Variants in CNTNAP2 observed in about 807,000 individuals in gnomAD.
The protein encoded by CNTNAP2 is contactin-associated protein-like 2.
CNTNAP2 carries 98 observed loss-of-function variants against 155.2 expected under a neutral mutation model. The observed-to-expected ratio is 0.63, with a 90% CI of 0.54 to 0.75. CNTNAP2 has a LOEUF of 0.75. Ranked by LOEUF, CNTNAP2 falls within the 30% of genes least tolerant of loss-of-function variation. CNTNAP2 has a pLI of 0.00. For synonymous variants in CNTNAP2, 651 were observed against 631.2 expected (o/e 1.03, Z -0.47); for missense variants, 1,727 against 1,688.1 (o/e 1.02, Z -0.40).
chr7:147,359,831 C>CTA (rs1796117948), intron 9 of CNTNAP2, among the ~76,000 whole-genome samples: 1 of 152,142 alleles, frequency 6.6e-6, no homozygotes, highest in African/African-American at 2.4e-5. Flanking sequence ...TCTCTACTCC[C>CTA]TAACCCTCTT....
At chr7:148,196,984 G>A (rs962144352) in intron 18 of CNTNAP2, among the ~76,000 whole-genome samples, 1 of 152,032 alleles carries the variant, frequency 6.6e-6, no homozygotes, top group Non-Finnish European at 1.5e-5. Flanking sequence ...CTCTTAGGCT[G>A]CAAATTTCTA....
chr7:147,913,968 C>G (rs1800113779), intron 14 of CNTNAP2, among the ~76,000 whole-genome samples: 1 of 151,940 alleles, frequency 6.6e-6, no homozygotes, highest in Admixed American at 6.6e-5. Flanking sequence ...ACACTACATT[C>G]TTTGACTGAA....
intron 2 of CNTNAP2, among the ~76,000 whole-genome samples, chr7:146,827,817 A>G (rs1257573472): frequency 6.6e-6 from 1 of 152,120 alleles, no homozygotes; most frequent in Non-Finnish European, 1.5e-5. Context: ...TCTAGGGAAT[A>G]CATACAACAT....
At position 147,971,513 on chromosome 7, in the gene CNTNAP2, A is replaced by T. The variant is rs574679338; in HGVS notation, c.2256-6349A>T. Reference sequence around the variant, plus strand: ...CCACTAATCTCCTTTCTGTCCTGGTAGATTTCCTTTTTCATATCAGTAAAA... The same window carrying T: ...CCACTAATCTCCTTTCTGTCCTGGTTGATTTCCTTTTTCATATCAGTAAAA... On this transcript the variant is annotated intron_variant, in intron 14 of 23. Transcript: ENST00000361727. Among the ~76,000 whole-genome samples the T allele has an allele frequency of 5.3e-5, 8 of 152,248 alleles. No individual in the cohort carries two copies. The East Asian group carries it at 1.5e-3, about 29-fold the overall frequency.
chr7:147,373,527 A>G (rs57032011), intron 9 of CNTNAP2, among the ~76,000 whole-genome samples: 9,076 of 152,136 alleles, frequency 0.06, 398 homozygotes, highest in African/African-American at 0.11. Context: ...CTTAAACCCA[A>G]TGAAAGAGTA....
At chr7:147,145,835 G>T (rs949558736) in intron 8 of CNTNAP2, among the ~76,000 whole-genome samples, 4 of 152,088 alleles carry the variant, frequency 2.6e-5, no homozygotes, top group African/African-American at 9.7e-5. Flanking sequence ...AATTCCTCTT[G>T]GGTATGGTCA....
intron 13 of CNTNAP2, among the ~76,000 whole-genome samples, chr7:147,729,997 A>C (rs1440001412): frequency 2.0e-5 from 3 of 152,144 alleles, no homozygotes; most frequent in Non-Finnish European, 4.4e-5. Flanking sequence ...TGAATAAGAA[A>C]GGAGGAATTA....
chr7:148,033,956 C>T (rs1049201117), intron 15 of CNTNAP2, among the ~76,000 whole-genome samples: 2 of 151,996 alleles, frequency 1.3e-5, no homozygotes, highest in African/African-American at 4.8e-5. Context: ...GATCATCAAA[C>T]ATTAGAGAAA....
intron 3 of CNTNAP2, among the ~76,000 whole-genome samples, chr7:147,008,640 C>A (rs190580993): frequency 7.9e-5 from 12 of 152,116 alleles, no homozygotes; most frequent in African/African-American, 2.4e-5. Context: ...GGATTGGTTA[C>A]AATGTAGGCT....
At chr7:148,005,274 AG>A (rs1378516504) in intron 15 of CNTNAP2, among the ~76,000 whole-genome samples, 5 of 152,226 alleles carry the variant, frequency 3.3e-5, no homozygotes, top group Admixed American at 1.3e-4. Context: ...CCTTTTTATA[AG>A]GGCATTAATC....
intron 1 of CNTNAP2, among the ~76,000 whole-genome samples, chr7:146,493,783 A>G (rs76967400): frequency 2.0e-5 from 3 of 152,140 alleles, no homozygotes; most frequent in Non-Finnish European, 4.4e-5. Flanking sequence ...CAGTCTTTTG[A>G]AAAAAATCTG....
intron 15 of CNTNAP2, among the ~76,000 whole-genome samples, chr7:148,023,695 G>A (rs1327326762): frequency 1.3e-5 from 2 of 152,184 alleles, no homozygotes; most frequent in Non-Finnish European, 2.9e-5. Context: ...TTACTGATTT[G>A]TGGCACATGA....
chr7:146,663,354 AG>A (rs1800129971), intron 1 of CNTNAP2, among the ~76,000 whole-genome samples: 1 of 150,110 alleles, frequency 6.7e-6, no homozygotes, highest in South Asian at 2.1e-4. Flanking sequence ...AGTCCTCCTT[AG>A]TTGTTTCACT....
chr7:146,426,209 A>AAAAAAAAAAAAAAAAAAAAAAC (rs1796086771), intron 1 of CNTNAP2, among the ~76,000 whole-genome samples: 1 of 148,844 alleles, frequency 6.7e-6, no homozygotes, highest in African/African-American at 2.5e-5. Flanking sequence ...AAAAAAAAAA[A>AAAAAAAAAAAAAAAAAAAAAAC]ATTAAAACTT....
At chr7:147,369,365 A>G (rs1796302305) in intron 9 of CNTNAP2, among the ~76,000 whole-genome samples, 1 of 152,168 alleles carries the variant, frequency 6.6e-6, no homozygotes, top group South Asian at 2.1e-4. Context: ...TTTTGGTGCA[A>G]GTTACTGACA....
chr7:148,323,485 G>C (rs1797837061), intron 21 of CNTNAP2, among the ~76,000 whole-genome samples: 1 of 149,066 alleles, frequency 6.7e-6, no homozygotes, highest in South Asian at 2.1e-4. Flanking sequence ...TTTTCACTTT[G>C]CTGAACCCGT....
intron 9 of CNTNAP2, among the ~76,000 whole-genome samples, chr7:147,354,922 A>G (rs937293104): frequency 2.6e-5 from 4 of 152,142 alleles, no homozygotes; most frequent in African/African-American, 9.6e-5. Context: ...TTTGCTCATG[A>G]TTTGGCTCTC....
intron 22 of CNTNAP2, among the ~76,000 whole-genome samples, chr7:148,403,539 A>G (rs557334639): frequency 6.6e-6 from 1 of 152,338 alleles, no homozygotes; most frequent in South Asian, 2.1e-4. Context: ...TGTTTCCCAA[A>G]GTATAGGTTC....
intron 8 of CNTNAP2, among the ~76,000 whole-genome samples, chr7:147,217,895 T>A (rs1399783517): frequency 1.3e-5 from 2 of 151,998 alleles, no homozygotes; most frequent in Non-Finnish European, 2.9e-5. Flanking sequence ...TTCAAGGAAT[T>A]GGTTAATTTC....
Sources: gnomAD v4.1 joint callset for allele counts (sites outside exome capture counted in the v4.1 genomes callset) on GRCh38, gnomAD v4.1.1 for gene constraint, MANE v1.5 for transcripts, NCBI Gene and HGNC (gene_info 2026-07-23, HGNC 2026-07-21) for gene names.